Variants in DENND5B observed in about 807,000 individuals in gnomAD.
The protein encoded by DENND5B is DENN domain-containing protein 5B.
Under a neutral mutation model 140.6 loss-of-function variants are expected in DENND5B, and 34 were observed. The ratio of observed to expected loss-of-function variants is 0.24; its 90% CI spans 0.18 to 0.32. DENND5B has a LOEUF of 0.32. Ranked by LOEUF, DENND5B falls within the 10% of genes least tolerant of loss-of-function variation. The probability of loss-of-function intolerance (pLI) is 1.00; values close to 1 mark genes in which losing one functional copy is unlikely to be tolerated. For synonymous variants in DENND5B, 551 were observed against 562.1 expected, an observed-to-expected ratio of 0.98 and a Z score of 0.28; for missense variants, 1,142 against 1,560.2, an observed-to-expected ratio of 0.73 and a Z score of 4.52.
chr12:31,454,712 G>T (rs1330884331), intron 4 of DENND5B, among the ~76,000 whole-genome samples: 1 of 151,782 alleles, frequency 6.6e-6, no homozygotes, highest in East Asian at 1.9e-4. Context: ...CACAGTGCTG[G>T]GATTATAGGT....
chr12:31,567,653 C>A (rs1302278260), intron 1 of DENND5B, among the ~76,000 whole-genome samples: 1 of 151,882 alleles, frequency 6.6e-6, no homozygotes, highest in Non-Finnish European at 1.5e-5. Context: ...GCAAGCCACT[C>A]CTTTGTTCAA....
At chr12:31,445,523 G>A (rs908132505) in intron 6 of DENND5B, among the ~76,000 whole-genome samples, 7 of 152,044 alleles carry the variant, frequency 4.6e-5, no homozygotes, top group African/African-American at 1.5e-4. Context: ...GAGCAACATC[G>A]TGAATCCCTG....
intron 20 of DENND5B, among the ~76,000 whole-genome samples, chr12:31,388,226 C>CTTTTT (rs35891849): frequency 1.1e-5 from 1 of 91,474 alleles, no homozygotes; most frequent in Non-Finnish European, 2.0e-5. Context: ...TAGGGACTTG[C>CTTTTT]TTTTTTTTTT....
intron 15 of DENND5B, among the ~76,000 whole-genome samples, chr12:31,401,590 G>A (rs1454537206): frequency 1.3e-5 from 2 of 152,070 alleles, no homozygotes; most frequent in African/African-American, 4.8e-5. Context: ...ATTTCACCAA[G>A]TAAGACTGAA....
At chr12:31,467,739 G>A (rs1208423866) in intron 3 of DENND5B, among the ~76,000 whole-genome samples, 1 of 152,168 alleles carries the variant, frequency 6.6e-6, no homozygotes, top group African/African-American at 2.4e-5. Flanking sequence ...AAGCCACAAT[G>A]GGCATGGAGT....
intron 9 of DENND5B, 106 bp downstream of exon 9, chr12:31,426,187 T>G: frequency 7.3e-7 from 1 of 1,364,928 alleles, no homozygotes; most frequent in Admixed American, 3.1e-5. Flanking sequence ...AAAGTTTTCT[T>G]CTAGCAAAAT....
chr12:31,407,699 A>G (rs1345058780), intron 14 of DENND5B, among the ~76,000 whole-genome samples: 1 of 152,236 alleles, frequency 6.6e-6, no homozygotes. Context: ...GCTGGAAGGT[A>G]TGCTGAGAAC....
intron 8 of DENND5B, among the ~76,000 whole-genome samples, chr12:31,431,561 T>C (rs1225830845): frequency 2.6e-5 from 4 of 152,162 alleles, no homozygotes; most frequent in African/African-American, 9.7e-5. Context: ...AAGATTCCTC[T>C]TGGCACTGAG....
At chr12:31,521,381 G>A (rs1947879125) in intron 1 of DENND5B, among the ~76,000 whole-genome samples, 1 of 151,640 alleles carries the variant, frequency 6.6e-6, no homozygotes, top group African/African-American at 2.4e-5. Flanking sequence ...CGAACTCCCG[G>A]GTTCAAGTGA....
At chr12:31,561,399 G>C (rs978739399) in intron 1 of DENND5B, among the ~76,000 whole-genome samples, 1 of 152,174 alleles carries the variant, frequency 6.6e-6, no homozygotes, top group Non-Finnish European at 1.5e-5. Context: ...TGAGGAGGAA[G>C]GATCACCTGA....
intron 1 of DENND5B, among the ~76,000 whole-genome samples, chr12:31,498,441 CAAG>C (rs1946870065): frequency 6.6e-6 from 1 of 151,980 alleles, no homozygotes; most frequent in Non-Finnish European, 1.5e-5. Context: ...AAAGAATCAA[CAAG>C]AAGGAAACCA....
At chr12:31,549,798 G>A (rs1308929887) in intron 1 of DENND5B, among the ~76,000 whole-genome samples, 1 of 152,092 alleles carries the variant, frequency 6.6e-6, no homozygotes, top group African/African-American at 2.4e-5. Context: ...AATATGCAGT[G>A]TTTGGTTTTC....
At chr12:31,391,493 T>C (rs1163946323) in intron 19 of DENND5B, among the ~76,000 whole-genome samples, 1 of 152,252 alleles carries the variant, frequency 6.6e-6, no homozygotes, top group Non-Finnish European at 1.5e-5. Context: ...GTATTGTTTG[T>C]TTCCCACACC....
intron 1 of DENND5B, chr12:31,589,814 AG>A (rs1950539953): frequency 6.6e-6 from 1 of 152,100 alleles, no homozygotes; most frequent in African/African-American, 2.4e-5. Flanking sequence ...AAATGAAATC[AG>A]TTGTTTCTCC....
chr12:31,392,324 G>A lies in DENND5B; in HGVS notation c.3409C>T (p.His1137Tyr). 6.2e-7 allele frequency: 1 copy of A among 1,613,720 alleles called. No homozygotes were observed. Among genetic ancestry groups the A allele is most frequent in the Non-Finnish European group, 8.5e-7 (1 of 1,179,860 alleles). Residue 1137 changes from histidine to tyrosine, a missense_variant, in exon 19 of 21, where the codon CAT becomes TAT. Physicochemically the swap from His to Tyr is moderately conservative, Grantham distance 83. Transcript: ENST00000389082. ...AAGATGCGGGCAGATTTGAACCCAT[G>A]GTGGAAAACTTGCTCAAGGGCTGCA... Reference protein sequence around the residue: ...LVAALEQVFHHGFKSARIFHK... With the variant: ...LVAALEQVFHYGFKSARIFHK...
chr12:31,549,982 TG>T (rs1565685875), intron 1 of DENND5B, among the ~76,000 whole-genome samples: 4 of 152,088 alleles, frequency 2.6e-5, no homozygotes, highest in Non-Finnish European at 4.4e-5. Context: ...TACCCAGTAA[TG>T]GGATTGTTGG....
intron 1 of DENND5B, among the ~76,000 whole-genome samples, chr12:31,536,480 A>G (rs929903905): frequency 6.6e-6 from 1 of 152,086 alleles, no homozygotes; most frequent in Non-Finnish European, 1.5e-5. Flanking sequence ...CAAGCAGAAG[A>G]AAGATTTAGT....
intron 15 of DENND5B, among the ~76,000 whole-genome samples, chr12:31,402,093 A>G (rs1040891560): frequency 4.1e-5 from 6 of 147,656 alleles, no homozygotes; most frequent in Non-Finnish European, 7.5e-5. Flanking sequence ...AAAAAAATCC[A>G]TAAGCATGAA....
At position 31,527,670 on chromosome 12, in the gene DENND5B, C is replaced by T. The variant is rs369281169; in HGVS notation, c.128-31751G>A. Among the ~76,000 whole-genome samples the T allele has an allele frequency of 6.6e-5, 10 of 152,082 alleles. No homozygotes were observed. The East Asian group carries it at 1.4e-3, about 21-fold the overall frequency. On this transcript the variant is annotated intron_variant, in intron 1 of 20. Coordinates refer to ENST00000389082, the MANE Select transcript of DENND5B (RefSeq NM_144973.4). ...GCCCACACCTGTAATCCCAGCTACTCGGGAGGCTGAGGCAGGAGAACTGCT... is the reference window on the plus strand; with the variant it reads ...GCCCACACCTGTAATCCCAGCTACTTGGGAGGCTGAGGCAGGAGAACTGCT...
Sources: gnomAD v4.1 joint callset for allele counts (sites outside exome capture counted in the v4.1 genomes callset) on GRCh38, gnomAD v4.1.1 for gene constraint, MANE v1.5 for transcripts, NCBI Gene and HGNC (gene_info 2026-07-23, HGNC 2026-07-21) for gene names.